MEIKIN: variants seen among roughly 807,000 people sequenced by gnomAD.
The protein encoded by MEIKIN is meiotic kinetochore factor, also known as meiosis-specific kinetochore protein.
At chr5:131,846,474 C>T (rs1194483337) in intron 11 of MEIKIN, among the ~76,000 whole-genome samples, 4 of 152,096 alleles carry the variant, frequency 2.6e-5, no homozygotes, top group African/African-American at 9.7e-5. Context: ...GGTATAAGAG[C>T]TAGTATTATT....
intron 8 of MEIKIN, among the ~76,000 whole-genome samples, chr5:131,903,686 C>T (rs1255238241): frequency 1.3e-5 from 2 of 152,136 alleles, no homozygotes. Context: ...AAAAAACACA[C>T]TTAAGTACAT....
At chr5:131,817,952 T>TAA (rs1451547036) in intron 12 of MEIKIN, among the ~76,000 whole-genome samples, 2 of 152,206 alleles carry the variant, frequency 1.3e-5, no homozygotes, top group Non-Finnish European at 2.9e-5. Context: ...GGGGAGATGT[T>TAA]AAGCCTTCTA....
At chr5:131,844,642 G>C (rs1194937028) in intron 11 of MEIKIN, among the ~76,000 whole-genome samples, 1 of 152,170 alleles carries the variant, frequency 6.6e-6, no homozygotes, top group Non-Finnish European at 1.5e-5. Flanking sequence ...ACAAGCTTAC[G>C]AAGAAACTAT....
rs1040315860 is a variant in MEIKIN, at chr5:131,933,499, A to T, written c.478+14T>A. The stretch of plus-strand genomic sequence containing the variant: ...CTATAGTAGAGCAATTTAAGGTTGG[A>T]ATTACTTTCTCACCTAAATAATCTG... On this transcript the variant is annotated intron_variant, in intron 5 of 12. Transcript: ENST00000442687. The T allele has an allele frequency of 3.3e-5, 13 of 398,298 alleles. No individual in the cohort carries two copies. In the South Asian group the frequency reaches 1.4e-3, roughly 43 times the overall value. The allele number at this position is 398,298 out of a possible 1,614,324, so 24.7% of individuals were successfully genotyped here.
At chr5:131,818,713 G>C in intron 12 of MEIKIN, 27 bp downstream of exon 12, 1 of 396,610 alleles carries the variant, frequency 2.5e-6, no homozygotes, top group Non-Finnish European at 4.4e-6. Flanking sequence ...CATCCAAAAA[G>C]TATGCTCTGC....
chr5:131,844,994 G>A (rs777308159), intron 11 of MEIKIN, among the ~76,000 whole-genome samples: 1 of 152,176 alleles, frequency 6.6e-6, no homozygotes, highest in Non-Finnish European at 1.5e-5. Flanking sequence ...AAGTTGGCTG[G>A]GTGCGGTGGC....
intron 8 of MEIKIN, among the ~76,000 whole-genome samples, chr5:131,895,452 C>T (rs1347379120): frequency 6.6e-6 from 1 of 152,128 alleles, no homozygotes; most frequent in African/African-American, 2.4e-5. Context: ...GGAATAGTTT[C>T]AGAAGGAATG....
intron 9 of MEIKIN, among the ~76,000 whole-genome samples, chr5:131,872,751 A>AGGTTG (rs1242529199): frequency 6.6e-6 from 1 of 152,232 alleles, no homozygotes; most frequent in East Asian, 1.9e-4. Flanking sequence ...CCAGAGAGAA[A>AGGTTG]GGTTGGGTTA....
chr5:131,816,170 G>T lies in MEIKIN; in HGVS notation c.1099+2570C>A, dbSNP rs142743966. Among the ~76,000 whole-genome samples, 314 of 152,240 alleles carry T rather than the reference G, an allele frequency of 2.1e-3. 1 individual carries two copies. The highest frequency in any genetic ancestry group is 3.4e-3 in the Middle Eastern group (1 of 294). ...TAGGCAAAAGTATGACTTTATTATT[G>T]TCTTTATCTGGAGATTAAATTATGG... On this transcript the variant is annotated intron_variant, in intron 12 of 12. Transcript: ENST00000442687.
In MEIKIN at chr5:131,851,245, G is replaced by A. The variant is rs1254689618; in HGVS notation, c.975+19C>T. On this transcript the variant is annotated intron_variant, in intron 11 of 12. Coordinates refer to ENST00000442687, the MANE Select transcript of MEIKIN (RefSeq NM_001303622.2). The stretch of plus-strand genomic sequence containing the variant: ...TAATTATTTCCTTTAGTAATTGAAG[G>A]AAAAATGGAAAATACTACCTCATTT... 2.5e-6 allele frequency: 1 copy of A among 397,422 alleles called. No homozygotes were observed. Among genetic ancestry groups the A allele is most frequent in the African/African-American group, 2.1e-5 (1 of 48,530 alleles). The allele number at this position is 397,422 out of a possible 1,614,324, so 24.6% of individuals were successfully genotyped here. A position where few individuals can be genotyped will look rare whatever the true frequency, so the allele number is the denominator to read the frequency against.
At chr5:131,886,578 G>A (rs1484065186) in intron 8 of MEIKIN, among the ~76,000 whole-genome samples, 2 of 152,148 alleles carry the variant, frequency 1.3e-5, no homozygotes, top group Admixed American at 6.5e-5. Flanking sequence ...TAAGCACCAA[G>A]GAGAATCACA....
chr5:131,897,702 A>C (rs563925817), intron 8 of MEIKIN, among the ~76,000 whole-genome samples: 3 of 152,164 alleles, frequency 2.0e-5, no homozygotes, highest in Non-Finnish European at 4.4e-5. Context: ...TCGTGCATGC[A>C]TCATGAAGTT....
chr5:131,832,638 C>T (rs1236905144), intron 11 of MEIKIN, among the ~76,000 whole-genome samples: 2 of 152,214 alleles, frequency 1.3e-5, no homozygotes, highest in Admixed American at 1.3e-4. Context: ...CCCGCCCTTG[C>T]AGCAAAATTC....
At chr5:131,944,394 T>C (rs988208592) in intron 3 of MEIKIN, 5 of 287,742 alleles carry the variant, frequency 1.7e-5, no homozygotes, top group African/African-American at 6.5e-5. Context: ...AGTAACATTT[T>C]GTATTTGTCA....
intron 8 of MEIKIN, among the ~76,000 whole-genome samples, chr5:131,907,998 C>A (rs1276539360): frequency 6.6e-6 from 1 of 151,956 alleles, no homozygotes; most frequent in East Asian, 1.9e-4. Flanking sequence ...TGAATTCTAC[C>A]AAATATTTAA....
chr5:131,886,510 A>C (rs1750798702), intron 8 of MEIKIN, among the ~76,000 whole-genome samples: 1 of 152,192 alleles, frequency 6.6e-6, no homozygotes, highest in South Asian at 2.1e-4. Context: ...GACATATTTA[A>C]AGTGCTGAAG....
chr5:131,843,317 T>C (rs193106024), intron 11 of MEIKIN, among the ~76,000 whole-genome samples: 30 of 152,356 alleles, frequency 2.0e-4, no homozygotes, highest in Non-Finnish European at 4.0e-4. Flanking sequence ...TACACAAATT[T>C]CTGCAGCTGG....
At chr5:131,829,086 T>A (rs1374405333) in intron 11 of MEIKIN, among the ~76,000 whole-genome samples, 1 of 151,850 alleles carries the variant, frequency 6.6e-6, no homozygotes, top group Non-Finnish European at 1.5e-5. Context: ...AAGGAGAAGA[T>A]CCCTCTAGCT....
At chr5:131,904,153 G>A (rs1449124693) in intron 8 of MEIKIN, among the ~76,000 whole-genome samples, 3 of 152,102 alleles carry the variant, frequency 2.0e-5, no homozygotes, top group Admixed American at 2.0e-4. Flanking sequence ...TAACACAGGA[G>A]CACCCAGATT....
Sources: allele counts gnomAD v4.1 joint callset (sites outside exome capture counted in the v4.1 genomes callset), GRCh38; gene constraint gnomAD v4.1.1; transcripts MANE v1.5; gene names NCBI Gene and HGNC (gene_info 2026-07-23, HGNC 2026-07-21).